The following CACNB2 variants were observed in gnomAD, a reference collection of about 807,000 sequenced individuals.
CACNB2 encodes voltage-dependent L-type calcium channel subunit beta-2.
In CACNB2, 42 loss-of-function variants were observed where a neutral mutation model predicts 73.3. The observed-to-expected ratio is 0.57, with a 90% CI of 0.45 to 0.74. The LOEUF (loss-of-function observed/expected upper bound fraction) is 0.74. Ranked by LOEUF, CACNB2 falls within the 30% of genes least tolerant of loss-of-function variation. The probability of loss-of-function intolerance (pLI) is 0.00; values close to 1 mark genes in which losing one functional copy is unlikely to be tolerated. For synonymous variants in CACNB2, 348 were observed against 310.3 expected, an observed-to-expected ratio of 1.12 and a Z score of -1.28; for missense variants, 940 against 853.0, an observed-to-expected ratio of 1.10 and a Z score of -1.27.
chr10:18,354,837 T>C (rs1564462249), intron 2 of CACNB2, among the ~76,000 whole-genome samples: 1 of 152,276 alleles, frequency 6.6e-6, no homozygotes, highest in South Asian at 2.1e-4. Flanking sequence ...CATAAAACCA[T>C]GTGTGGTTTC....
intron 2 of CACNB2, among the ~76,000 whole-genome samples, chr10:18,281,523 T>C (rs938149301): frequency 1.3e-5 from 2 of 152,188 alleles, no homozygotes; most frequent in African/African-American, 4.8e-5. Context: ...TTAGTGAATT[T>C]GCAGAAGAAA....
At chr10:18,164,151 A>G (rs891672328) in intron 2 of CACNB2, among the ~76,000 whole-genome samples, 1 of 152,242 alleles carries the variant, frequency 6.6e-6, no homozygotes, top group Non-Finnish European at 1.5e-5. Flanking sequence ...GTGCAATCAC[A>G]ATGTAAACAG....
At chr10:18,344,918 A>G (rs1267733928) in intron 2 of CACNB2, among the ~76,000 whole-genome samples, 1 of 152,228 alleles carries the variant, frequency 6.6e-6, no homozygotes, top group African/African-American at 2.4e-5. Context: ...ACATATTTTT[A>G]TAGTTGTAAC....
At chr10:18,467,022 CAG>C (rs2132719417) in intron 3 of CACNB2, among the ~76,000 whole-genome samples, 1 of 152,118 alleles carries the variant, frequency 6.6e-6, no homozygotes, top group African/African-American at 2.4e-5. Context: ...GGCATGGTGG[CAG>C]GTGCCTGTAA....
chr10:18,407,021 GTTAT>G (rs2132584113), intron 3 of CACNB2, among the ~76,000 whole-genome samples: 1 of 149,200 alleles, frequency 6.7e-6, no homozygotes, highest in Non-Finnish European at 1.5e-5. Context: ...AAATTAGCTG[GTTAT>G]AGTATTCAGA....
intron 2 of CACNB2, among the ~76,000 whole-genome samples, chr10:18,254,880 C>T (rs1292993529): frequency 6.6e-6 from 1 of 152,232 alleles, no homozygotes; most frequent in African/African-American, 2.4e-5. Flanking sequence ...AACACGGGAA[C>T]GTGTATGTAT....
At chr10:18,357,432 C>G (rs1329009802) in intron 2 of CACNB2, among the ~76,000 whole-genome samples, 1 of 152,102 alleles carries the variant, frequency 6.6e-6, no homozygotes, top group Non-Finnish European at 1.5e-5. Flanking sequence ...GCTGGCATAA[C>G]CACACTAGAA....
At chr10:18,187,851 AATCT>A (rs1363888768) in intron 2 of CACNB2, among the ~76,000 whole-genome samples, 1 of 152,198 alleles carries the variant, frequency 6.6e-6, no homozygotes, top group Non-Finnish European at 1.5e-5. Context: ...AAAAATGCCT[AATCT>A]CTGGCCTTCA....
At chr10:18,171,775 A>G (rs1309364637) in intron 2 of CACNB2, among the ~76,000 whole-genome samples, 2 of 151,992 alleles carry the variant, frequency 1.3e-5, no homozygotes, top group African/African-American at 2.4e-5. Context: ...GGAGGGTGGG[A>G]ATTGTTACCC....
chr10:18,352,533 C>A (rs1460447933), intron 2 of CACNB2, among the ~76,000 whole-genome samples: 2 of 152,132 alleles, frequency 1.3e-5, no homozygotes, highest in African/African-American at 4.8e-5. Flanking sequence ...AAAAGCATTC[C>A]AGGAGTTCCA....
chr10:18,281,466 T>C (rs1199439466), intron 2 of CACNB2, among the ~76,000 whole-genome samples: 1 of 152,208 alleles, frequency 6.6e-6, no homozygotes, highest in Non-Finnish European at 1.5e-5. Context: ...ATGTGAACAC[T>C]GAAGCTACTT....
rs547751247 is a variant in CACNB2 at position 18,265,981 on chromosome 10, CCA to C, written c.213+115010_213+115011del. Among the ~76,000 whole-genome samples the C allele has an allele frequency of 3.9e-5, 6 of 152,218 alleles. No homozygotes were observed. The East Asian group carries it at 1.2e-3, about 29-fold the overall frequency. Reference sequence around the variant, plus strand: ...ACATGTTAGTAATCTCTTATAAGATCCACACTTTCCATAGTGTGTGATCACCT... The same window carrying C: ...ACATGTTAGTAATCTCTTATAAGATCCACTTTCCATAGTGTGTGATCACCT... On this transcript the variant is annotated intron_variant, in intron 2 of 13. Coordinates refer to ENST00000324631, the MANE Select transcript of CACNB2 (RefSeq NM_201596.3).
chr10:18,350,763 A>T (rs2041673044), intron 2 of CACNB2, among the ~76,000 whole-genome samples: 1 of 152,212 alleles, frequency 6.6e-6, no homozygotes. Flanking sequence ...AGATCATCTT[A>T]AAATTAACTT....
At chr10:18,320,351 G>A (rs1173498453) in intron 2 of CACNB2, among the ~76,000 whole-genome samples, 1 of 152,084 alleles carries the variant, frequency 6.6e-6, no homozygotes, top group Non-Finnish European at 1.5e-5. Flanking sequence ...CTTTGCTTTG[G>A]TTTTGTGGTC....
intron 2 of CACNB2, among the ~76,000 whole-genome samples, chr10:18,366,742 A>G (rs1464843815): frequency 1.7e-4 from 26 of 151,760 alleles, no homozygotes; most frequent in Admixed American, 1.7e-3. Flanking sequence ...GCGAGCGGAC[A>G]TTGTGCCACC....
chr10:18,434,713 T>C (rs1303347153), intron 3 of CACNB2, among the ~76,000 whole-genome samples: 1 of 152,182 alleles, frequency 6.6e-6, no homozygotes, highest in African/African-American at 2.4e-5. Flanking sequence ...AAAAAAATTA[T>C]TGAACACCTC....
chr10:18,304,972 G>A lies in CACNB2; in HGVS notation c.214-96952G>A, dbSNP rs187022250. On this transcript the variant is annotated intron_variant, in intron 2 of 13. Transcript: ENST00000324631. Reference sequence around the variant, plus strand: ...TAATGGAAATTGAAATGTCAACTTTGAGAAATAGAAGTTTAGGACTCATTA... The same window carrying A: ...TAATGGAAATTGAAATGTCAACTTTAAGAAATAGAAGTTTAGGACTCATTA... Among the ~76,000 whole-genome samples the A allele has an allele frequency of 1.5e-3, 222 of 152,298 alleles. 1 individual carries two copies. Among genetic ancestry groups the A allele is most frequent in the African/African-American group, 4.8e-3 (201 of 41,566 alleles).
intron 1 of CACNB2, among the ~76,000 whole-genome samples, chr10:18,147,188 C>T (rs991038472): frequency 1.1e-3 from 171 of 152,240 alleles, no homozygotes; most frequent in African/African-American, 3.9e-3. Context: ...AGACTGGAGT[C>T]CATTCTTAAG....
At chr10:18,514,909 A>G in intron 7 of CACNB2, 2 of 982,552 alleles carry the variant, frequency 2.0e-6, no homozygotes, top group Admixed American at 1.8e-5. Context: ...ATATCCAGAT[A>G]CATAGCTTGT....
Sources: gnomAD v4.1 joint callset for allele counts (sites outside exome capture counted in the v4.1 genomes callset) on GRCh38, gnomAD v4.1.1 for gene constraint, MANE v1.5 for transcripts, NCBI Gene and HGNC (gene_info 2026-07-23, HGNC 2026-07-21) for gene names.